The following PEX14 variants were observed in gnomAD, a reference collection of about 807,000 sequenced individuals.
The protein encoded by PEX14 is peroxisomal biogenesis factor 14, also known as peroxisomal membrane protein PEX14.
In PEX14, 15 loss-of-function variants were observed where a neutral mutation model predicts 49.5. That is an observed-to-expected ratio of 0.30 (90% CI 0.20 to 0.47). PEX14 has a LOEUF of 0.47. Among genes scored for constraint, PEX14 ranks in the 20% least tolerant of loss-of-function variants. The pLI, the probability that PEX14 is intolerant of heterozygous loss-of-function variation, is 1.00. For missense variants in PEX14, 398 were observed against 494.8 expected, an observed-to-expected ratio of 0.80 and a Z score of 1.86; for synonymous variants, 210 against 212.7, an observed-to-expected ratio of 0.99 and a Z score of 0.11.
intron 5 of PEX14, among the ~76,000 whole-genome samples, chr1:10,620,292 A>AATAAC (rs1641551298): frequency 1.5e-5 from 1 of 66,544 alleles, no homozygotes; most frequent in Non-Finnish European, 2.5e-5. Context: ...TCTACCAAAC[A>AATAAC]ATAAAATAAA....
chr1:10,599,432 T>C, intron 4 of PEX14, 66 bp downstream of exon 4: 1 of 1,571,542 alleles, frequency 6.4e-7, no homozygotes, highest in African/African-American at 1.3e-5. Context: ...CAAAGGGCAG[T>C]GTTCTGTATC....
intron 2 of PEX14, among the ~76,000 whole-genome samples, chr1:10,503,789 A>G (rs539022101): frequency 6.6e-6 from 1 of 152,028 alleles, no homozygotes; most frequent in South Asian, 2.1e-4. Flanking sequence ...GCTGGAGTAC[A>G]GTGGCACAAT....
chr1:10,524,369 C>T, intron 2 of PEX14: 1 of 499,712 alleles, frequency 2.0e-6, no homozygotes, highest in Non-Finnish European at 2.6e-6. Flanking sequence ...ATTCATAATC[C>T]TTCAGATAAC....
At chr1:10,490,543 T>C (rs1310916249) in intron 1 of PEX14, among the ~76,000 whole-genome samples, 1 of 152,196 alleles carries the variant, frequency 6.6e-6, no homozygotes. Flanking sequence ...TCTGCCGCCG[T>C]AGTCTTTGCC....
intron 3 of PEX14, 60 bp from the exon 4 acceptor site, chr1:10,599,178 G>A (rs955394365): frequency 6.4e-6 from 10 of 1,570,956 alleles, no homozygotes; most frequent in East Asian, 4.5e-5. Flanking sequence ...TGAAGATTCT[G>A]TTGCAGCTAT....
chr1:10,527,788 C>T (rs1305242700), intron 2 of PEX14, among the ~76,000 whole-genome samples: 1 of 151,988 alleles, frequency 6.6e-6, no homozygotes, highest in Non-Finnish European at 1.5e-5. Flanking sequence ...ATTCTCATGC[C>T]TCAGCCACCC....
At chr1:10,540,688 T>A (rs1570236554) in intron 3 of PEX14, among the ~76,000 whole-genome samples, 1 of 152,232 alleles carries the variant, frequency 6.6e-6, no homozygotes, top group East Asian at 1.9e-4. Flanking sequence ...TGTGTCTTAG[T>A]GAAGCCAGAA....
chr1:10,559,362 G>A (rs1003682683), intron 3 of PEX14, among the ~76,000 whole-genome samples: 5 of 152,098 alleles, frequency 3.3e-5, no homozygotes, highest in Admixed American at 6.5e-5. Flanking sequence ...CACCTATTTG[G>A]TCCAGTATTT....
chr1:10,494,140 G>A lies in PEX14; in HGVS notation c.37-1134G>A, dbSNP rs1006099876. Reference sequence around the variant, plus strand: ...GGTGAGGCTCTTGGGACAGGACTTCGGATGGAGGGATAGAGGCCTTCACCC... The same window carrying A: ...GGTGAGGCTCTTGGGACAGGACTTCAGATGGAGGGATAGAGGCCTTCACCC... On this transcript the variant is annotated intron_variant, in intron 1 of 8. Coordinates refer to ENST00000356607, the MANE Select transcript of PEX14 (RefSeq NM_004565.3). This position sits in a 1 kb window ranked among gnomAD's most constrained non-coding sequence, Gnocchi z 4.3. 3.9e-5 allele frequency among the ~76,000 whole-genome samples: 6 copies of A among 152,178 alleles called. No individual in the cohort carries two copies. The highest frequency in any genetic ancestry group is 1.2e-4 in the African/African-American group (5 of 41,430).
intron 2 of PEX14, among the ~76,000 whole-genome samples, chr1:10,532,745 T>G (rs1337176763): frequency 6.6e-6 from 1 of 152,216 alleles, no homozygotes; most frequent in Non-Finnish European, 1.5e-5. Context: ...ATTCATCTTC[T>G]AATTAGAAAA....
chr1:10,605,160 A>G (rs547811436), intron 4 of PEX14, among the ~76,000 whole-genome samples: 1 of 152,280 alleles, frequency 6.6e-6, no homozygotes, highest in South Asian at 2.1e-4. Context: ...TGTTCTAGAA[A>G]TGCTTGTGGA....
chr1:10,490,553 C>T (rs1223909219), intron 1 of PEX14, among the ~76,000 whole-genome samples: 23 of 152,130 alleles, frequency 1.5e-4, no homozygotes, highest in Admixed American at 1.5e-3. Flanking sequence ...TAGTCTTTGC[C>T]TGACTTGTTT....
rs1176722720 is a variant in PEX14, at chr1:10,623,506, A to C, written c.487+385A>C. Among the ~76,000 whole-genome samples, 3 of 151,932 alleles carry C rather than the reference A, an allele frequency of 2.0e-5. No individual in the cohort carries two copies. The highest frequency in any genetic ancestry group is 7.3e-5 in the African/African-American group (3 of 41,354). ...GACTGTGGGGTCAAGAGAGTCTGTA[A>C]TTACTGTGGCTCCCGGGACCCCAGC... On this transcript the variant is annotated intron_variant, in intron 6 of 8. Transcript: ENST00000356607. This position sits in a 1 kb window ranked among gnomAD's most constrained non-coding sequence, Gnocchi z 4.4.
At chr1:10,485,777 A>G (rs1641357028) in intron 1 of PEX14, among the ~76,000 whole-genome samples, 1 of 144,018 alleles carries the variant, frequency 6.9e-6, no homozygotes, top group Non-Finnish European at 1.5e-5. Flanking sequence ...TTTTTTTGAG[A>G]CAGACTCATG....
intron 1 of PEX14, among the ~76,000 whole-genome samples, chr1:10,476,226 G>A (rs1641192321): frequency 6.6e-6 from 1 of 152,176 alleles, no homozygotes; most frequent in African/African-American, 2.4e-5. Context: ...AGGAGTTGGT[G>A]TGTTCCCCCA....
At chr1:10,610,380 C>T (rs1443763439) in intron 4 of PEX14, among the ~76,000 whole-genome samples, 1 of 109,338 alleles carries the variant, frequency 9.1e-6, no homozygotes, top group African/African-American at 2.8e-5. Context: ...TATACACACA[C>T]ACACACACAC....
Position 10,623,061 on chromosome 1 carries a change from A to C in PEX14, c.427A>C (p.Lys143Gln). Residue 143 changes from lysine (K) to glutamine (Q), a missense_variant, in exon 6 of 9, where the codon AAG becomes CAG. By Grantham distance (53) the Lys-to-Gln change is moderately conservative (BLOSUM62 1). Transcript: ENST00000356607. The surrounding 1 kb of genome is among the most constrained non-coding windows in gnomAD (Gnocchi z 4.4). The part of the protein sequence containing the change: ...PLILGGREDR[K>Q]QLERMEAGLS... ...CATCCTGGGCGGCCGAGAGGACAGA[A>C]AGCAGCTGGAGAGGATGGAGGCCGG... The C allele has an allele frequency of 6.2e-7, 1 of 1,613,990 alleles. No homozygotes were observed. The highest frequency in any genetic ancestry group is 8.5e-7 in the Non-Finnish European group (1 of 1,179,972).
intron 7 of PEX14, among the ~76,000 whole-genome samples, chr1:10,625,504 G>A (rs1056766739): frequency 7.2e-5 from 11 of 152,180 alleles, no homozygotes; most frequent in Admixed American, 3.9e-4. Context: ...TGGAGTCTGG[G>A]GTGTCTCTTG....
intron 4 of PEX14, among the ~76,000 whole-genome samples, chr1:10,600,869 C>T (rs1278680564): frequency 6.6e-6 from 1 of 152,152 alleles, no homozygotes; most frequent in Non-Finnish European, 1.5e-5. Context: ...CGCAGTGGCT[C>T]CCGCCTGTAA....
Sources: allele counts gnomAD v4.1 joint callset (sites outside exome capture counted in the v4.1 genomes callset), GRCh38; gene constraint gnomAD v4.1.1; non-coding constraint Gnocchi (gnomAD v3.1); transcripts MANE v1.5; gene names NCBI Gene and HGNC (gene_info 2026-07-23, HGNC 2026-07-21).